GRIN2B: variants seen among roughly 807,000 people sequenced by gnomAD.
GRIN2B encodes the protein glutamate receptor ionotropic, NMDA 2B.
Under a neutral mutation model 114.5 loss-of-function variants are expected in GRIN2B, and 5 were observed. The observed-to-expected ratio is 0.04, with a 90% CI of 0.02 to 0.09. GRIN2B has a LOEUF of 0.09. GRIN2B is among the 10% of genes least tolerant of loss of function. The pLI is 1.00. For missense variants in GRIN2B, 1,108 were observed against 1,943.5 expected (o/e 0.57, Z 8.08); for synonymous variants, 787 against 745.1 (o/e 1.06, Z -0.92).
chr12:13,932,627 G>GAA (rs1867054024), intron 2 of GRIN2B, among the ~76,000 whole-genome samples: 1 of 152,194 alleles, frequency 6.6e-6, no homozygotes, highest in Non-Finnish European at 1.5e-5. Flanking sequence ...CTGAGAGAGA[G>GAA]AACACAGAGA....
At chr12:13,746,528 C>T (rs1389616373) in intron 4 of GRIN2B, among the ~76,000 whole-genome samples, 1 of 152,160 alleles carries the variant, frequency 6.6e-6, no homozygotes, top group African/African-American at 2.4e-5. Context: ...GCATTCTCCA[C>T]CCCACTCACT....
chr12:13,766,018 C>A (rs949671713), intron 3 of GRIN2B, among the ~76,000 whole-genome samples: 2 of 152,188 alleles, frequency 1.3e-5, no homozygotes, highest in Non-Finnish European at 2.9e-5. Context: ...ATTCCTTAAG[C>A]TTCAATCCCA....
intron 3 of GRIN2B, among the ~76,000 whole-genome samples, chr12:13,778,832 G>T (rs780998976): frequency 6.6e-6 from 1 of 152,094 alleles, no homozygotes; most frequent in Non-Finnish European, 1.5e-5. Context: ...CAAGACCAGT[G>T]CTCTGAGATT....
At chr12:13,809,450 A>G (rs535522992) in intron 3 of GRIN2B, among the ~76,000 whole-genome samples, 1 of 152,300 alleles carries the variant, frequency 6.6e-6, no homozygotes, top group South Asian at 2.1e-4. Context: ...CTGGACTTTT[A>G]AGAGGATTAA....
At chr12:13,839,399 A>G (rs1865341456) in intron 3 of GRIN2B, among the ~76,000 whole-genome samples, 1 of 152,236 alleles carries the variant, frequency 6.6e-6, no homozygotes, top group Non-Finnish European at 1.5e-5. Context: ...AGAAAATTTG[A>G]AAGTGGTTCA....
rs562829815 is a variant in GRIN2B at position 13,542,302 on chromosome 12, C to G, written c.*20481G>C. On this transcript the variant is annotated 3_prime_UTR_variant, in exon 14 of 14. Coordinates refer to ENST00000609686, the MANE Select transcript of GRIN2B (RefSeq NM_000834.5). ...GGTAAGTAAGAACAAATAATTATGA[C>G]CCCCCCACAACGAGACTAGCTTAGT... 1.1e-4 allele frequency: 16 copies of G among 151,720 alleles called. No homozygotes were observed. The highest frequency in any genetic ancestry group is 3.5e-3 in the Middle Eastern group (1 of 288). The allele number at this position is 151,720 out of a possible 1,614,324, so 9.4% of individuals were successfully genotyped here.
chr12:13,821,057 C>T (rs1315102601), intron 3 of GRIN2B, among the ~76,000 whole-genome samples: 1 of 152,028 alleles, frequency 6.6e-6, no homozygotes, highest in Non-Finnish European at 1.5e-5. Context: ...TTACCGAGAA[C>T]CACTCGATGT....
At chr12:13,595,515 A>G (rs1949060230) in intron 10 of GRIN2B, among the ~76,000 whole-genome samples, 1 of 152,152 alleles carries the variant, frequency 6.6e-6, no homozygotes, top group Admixed American at 6.5e-5. Flanking sequence ...CCCGGGGGTG[A>G]CCTTCTATAT....
rs544710204 is a variant in GRIN2B, at chr12:13,547,948, T to C, written c.*14835A>G. 21 of 101,708 alleles carry C rather than the reference T, an allele frequency of 2.1e-4. No individual in the cohort carries two copies. Among genetic ancestry groups the C allele is most frequent in the African/African-American group, 6.6e-4 (21 of 31,874 alleles). 6.3% of individuals were successfully genotyped at this position (101,708 alleles called of 1,614,324 possible). On this transcript the variant is annotated 3_prime_UTR_variant, in exon 14 of 14. Transcript: ENST00000609686. ...AGGGTTATGTATATGTATGTATGTA[T>C]GTATGTGTGTGTATATATATATATA...
chr12:13,617,962 C>T (rs1949465147), intron 5 of GRIN2B, among the ~76,000 whole-genome samples: 1 of 152,170 alleles, frequency 6.6e-6, no homozygotes, highest in African/African-American at 2.4e-5. Context: ...CATAGGCTAT[C>T]TTATTTGGTA....
intron 2 of GRIN2B, among the ~76,000 whole-genome samples, chr12:13,929,413 A>G (rs1388603890): frequency 2.0e-5 from 3 of 152,216 alleles, no homozygotes; most frequent in Non-Finnish European, 4.4e-5. Context: ...CCATTTCTGC[A>G]CTAGCCCTGC....
At chr12:13,913,355 T>A (rs2136802582) in intron 2 of GRIN2B, among the ~76,000 whole-genome samples, 1 of 152,146 alleles carries the variant, frequency 6.6e-6, no homozygotes, top group African/African-American at 2.4e-5. Context: ...GGGAAACAGG[T>A]GACAGAAGAG....
chr12:13,867,819 G>T (rs1467223256), intron 2 of GRIN2B, among the ~76,000 whole-genome samples: 4 of 150,686 alleles, frequency 2.7e-5, no homozygotes, highest in African/African-American at 9.8e-5. Context: ...ACCAAAACCA[G>T]ATTCTCATTC....
At chr12:13,619,631 GC>G (rs1949491699) in intron 5 of GRIN2B, among the ~76,000 whole-genome samples, 1 of 152,196 alleles carries the variant, frequency 6.6e-6, no homozygotes, top group Admixed American at 6.5e-5. Context: ...CCGATTCTGT[GC>G]CAGGCACTGG....
At chr12:13,679,289 CTATA>C (rs1367328787) in intron 4 of GRIN2B, among the ~76,000 whole-genome samples, 1 of 152,120 alleles carries the variant, frequency 6.6e-6, no homozygotes, top group Non-Finnish European at 1.5e-5. Flanking sequence ...AATGGAATAA[CTATA>C]TAGCCTCTCA....
chr12:13,666,121 T>C (rs1051816972), intron 5 of GRIN2B, among the ~76,000 whole-genome samples: 1 of 152,160 alleles, frequency 6.6e-6, no homozygotes, highest in Non-Finnish European at 1.5e-5. Context: ...ACCTGGAGAA[T>C]AGGGCAGTGG....
chr12:13,861,684 T>C (rs1368405605), intron 3 of GRIN2B, among the ~76,000 whole-genome samples: 1 of 152,196 alleles, frequency 6.6e-6, no homozygotes, highest in Non-Finnish European at 1.5e-5. Context: ...TCAGCTTCCC[T>C]GGTGGGGTGA....
intron 2 of GRIN2B, among the ~76,000 whole-genome samples, chr12:13,962,349 C>T (rs1433664121): frequency 6.6e-6 from 1 of 152,160 alleles, no homozygotes; most frequent in Non-Finnish European, 1.5e-5. Context: ...TATACCATCC[C>T]TTCTCCCATG....
Position 13,562,562 on chromosome 12 carries a change from G to C in GRIN2B, c.*221C>G. 1.7e-6 allele frequency: 1 copy of C among 574,280 alleles called. No homozygotes were observed. Among genetic ancestry groups the C allele is most frequent in the Non-Finnish European group, 3.1e-6 (1 of 321,374 alleles). 35.6% of individuals were successfully genotyped at this position (574,280 alleles called of 1,614,324 possible). The stretch of plus-strand genomic sequence containing the variant: ...CTCATGGGAACAGGAATGGCTGACA[G>C]CGGGGGGAAGAAGGAGAGAACTGTG... On this transcript the variant is annotated 3_prime_UTR_variant, in exon 14 of 14. Coordinates refer to ENST00000609686, the MANE Select transcript of GRIN2B (RefSeq NM_000834.5).
Sources: gnomAD v4.1 joint callset for allele counts (sites outside exome capture counted in the v4.1 genomes callset) on GRCh38, gnomAD v4.1.1 for gene constraint, MANE v1.5 for transcripts, NCBI Gene and HGNC (gene_info 2026-07-23, HGNC 2026-07-21) for gene names.